Variants in EYS observed in about 807,000 individuals in gnomAD.
EYS encodes protein eyes shut homolog.
Under a neutral mutation model 282.1 loss-of-function variants are expected in EYS, and 250 were observed. The ratio of observed to expected loss-of-function variants is 0.89; its 90% CI spans 0.80 to 0.98. The LOEUF (loss-of-function observed/expected upper bound fraction) is 0.98. Among genes scored for constraint, EYS ranks in the 50% least tolerant of loss-of-function variants. The probability of loss-of-function intolerance (pLI) is 0.00; values close to 1 mark genes in which losing one functional copy is unlikely to be tolerated. For missense variants in EYS, 4,016 were observed against 3,709.0 expected, an observed-to-expected ratio of 1.08 and a Z score of -2.15; for synonymous variants, 1,355 against 1,282.9, an observed-to-expected ratio of 1.06 and a Z score of -1.20.
At chr6:64,786,978 A>G (rs902646516) in intron 22 of EYS, among the ~76,000 whole-genome samples, 3 of 152,102 alleles carry the variant, frequency 2.0e-5, no homozygotes, top group Non-Finnish European at 4.4e-5. Context: ...CACCCTTAGC[A>G]TTTTGTTATC....
chr6:65,393,109 G>A lies in EYS; in HGVS notation c.1185-8609C>T, dbSNP rs540624752. On this transcript the variant is annotated intron_variant, in intron 7 of 42. Coordinates refer to ENST00000503581, the MANE Select transcript of EYS (RefSeq NM_001142800.2). ...ACACCACATGTTCTCACTCATAGGT[G>A]GGAATTGAACAATGAGAACACATGG... 1.0e-3 allele frequency among the ~76,000 whole-genome samples: 154 copies of A among 151,842 alleles called. 1 individual carries two copies. Among genetic ancestry groups the A allele is most frequent in the African/African-American group, 3.6e-3 (150 of 41,330 alleles).
At chr6:63,907,337 G>C (rs1462239884) in intron 35 of EYS, among the ~76,000 whole-genome samples, 1 of 152,176 alleles carries the variant, frequency 6.6e-6, no homozygotes. Flanking sequence ...ATAAAGACAA[G>C]TGTAGACACA....
intron 35 of EYS, among the ~76,000 whole-genome samples, chr6:63,947,132 A>C (rs887143303): frequency 6.6e-6 from 1 of 151,986 alleles, no homozygotes; most frequent in Non-Finnish European, 1.5e-5. Context: ...TTTTAAGAAA[A>C]GTATATTGAG....
chr6:65,063,169 A>G, intron 12 of EYS, among the ~76,000 whole-genome samples: 1 of 152,082 alleles, frequency 6.6e-6, no homozygotes, highest in East Asian at 1.9e-4. Context: ...CATATTTTAC[A>G]ATTTTCTGAA....
intron 33 of EYS, among the ~76,000 whole-genome samples, chr6:64,024,453 A>G (rs1769375661): frequency 6.6e-6 from 1 of 151,970 alleles, no homozygotes; most frequent in South Asian, 2.1e-4. Context: ...AAAACAGACC[A>G]CTCGGCTCTA....
intron 1 of EYS, among the ~76,000 whole-genome samples, chr6:65,641,439 T>C (rs1433461495): frequency 1.3e-5 from 2 of 152,232 alleles, no homozygotes; most frequent in Non-Finnish European, 2.9e-5. Flanking sequence ...TTCTGAGATC[T>C]CTGGCAAGTT....
At chr6:63,910,288 G>A (rs1266790862) in intron 35 of EYS, among the ~76,000 whole-genome samples, 1 of 152,168 alleles carries the variant, frequency 6.6e-6, no homozygotes, top group Non-Finnish European at 1.5e-5. Context: ...TGGTGGTGTT[G>A]AAAGCATCCC....
chr6:65,652,874 T>C (rs958705), intron 1 of EYS, among the ~76,000 whole-genome samples: 53,780 of 151,816 alleles, frequency 0.35, 11,990 homozygotes, highest in Non-Finnish European at 0.49. Flanking sequence ...CTATCCAGGA[T>C]ATAAGAAATC....
intron 35 of EYS, among the ~76,000 whole-genome samples, chr6:63,916,157 T>C (rs1359378363): frequency 2.6e-5 from 4 of 152,214 alleles, no homozygotes; most frequent in Non-Finnish European, 5.9e-5. Flanking sequence ...CATCTCAACA[T>C]TCAGCAACCA....
intron 1 of EYS, among the ~76,000 whole-genome samples, chr6:65,690,328 C>T (rs950695023): frequency 6.7e-6 from 1 of 149,962 alleles, no homozygotes; most frequent in African/African-American, 2.4e-5. Context: ...TAACCCTAAA[C>T]AGACCTAGAA....
chr6:64,423,621 A>G (rs1163950152), intron 28 of EYS, among the ~76,000 whole-genome samples: 1 of 152,190 alleles, frequency 6.6e-6, no homozygotes, highest in Non-Finnish European at 1.5e-5. Context: ...CAGCCTAGCT[A>G]ACATGGTGAA....
chr6:65,597,219 A>G (rs546536067), intron 2 of EYS, among the ~76,000 whole-genome samples: 1 of 152,112 alleles, frequency 6.6e-6, no homozygotes, highest in Non-Finnish European at 1.5e-5. Flanking sequence ...GCTTTAAATT[A>G]CTAATACGCA....
chr6:64,037,801 T>C (rs779326869), intron 33 of EYS, among the ~76,000 whole-genome samples: 1 of 152,342 alleles, frequency 6.6e-6, no homozygotes, highest in East Asian at 1.9e-4. Flanking sequence ...ACAGAGTCAC[T>C]GTGAATTTTA....
intron 22 of EYS, among the ~76,000 whole-genome samples, chr6:64,803,487 C>T (rs1764324647): frequency 6.6e-6 from 1 of 152,178 alleles, no homozygotes; most frequent in South Asian, 2.1e-4. Context: ...TAGACTCCAC[C>T]TGGAACTGAC....
At chr6:64,462,317 T>G (rs572859150) in intron 26 of EYS, among the ~76,000 whole-genome samples, 1 of 152,206 alleles carries the variant, frequency 6.6e-6, no homozygotes, top group Non-Finnish European at 1.5e-5. Flanking sequence ...AAACAGCATT[T>G]AATTAAGAAA....
chr6:65,168,341 C>T (rs927607201), intron 12 of EYS, among the ~76,000 whole-genome samples: 1 of 151,220 alleles, frequency 6.6e-6, no homozygotes, highest in Admixed American at 6.6e-5. Flanking sequence ...CGATTTAGGG[C>T]TGCCATAACA....
chr6:65,546,442 A>G (rs1217159341), intron 2 of EYS, among the ~76,000 whole-genome samples: 1 of 152,086 alleles, frequency 6.6e-6, no homozygotes, highest in African/African-American at 2.4e-5. Flanking sequence ...CATTCATTTT[A>G]TTTAACTCAC....
At chr6:64,021,801 T>C (rs1488773578) in intron 33 of EYS, among the ~76,000 whole-genome samples, 1 of 152,172 alleles carries the variant, frequency 6.6e-6, no homozygotes, top group African/African-American at 2.4e-5. Flanking sequence ...TAATCTCTTA[T>C]TTAGTTACCT....
intron 14 of EYS, among the ~76,000 whole-genome samples, chr6:64,978,830 A>C (rs866163902): frequency 2.0e-4 from 30 of 152,052 alleles, no homozygotes; most frequent in Middle Eastern, 6.8e-3. Flanking sequence ...GGAAATAATG[A>C]GAACTAGAAT....
Sources: allele counts gnomAD v4.1 joint callset (sites outside exome capture counted in the v4.1 genomes callset), GRCh38; gene constraint gnomAD v4.1.1; transcripts MANE v1.5; gene names NCBI Gene and HGNC (gene_info 2026-07-23, HGNC 2026-07-21).